The following SERAC1 variants were observed in gnomAD, a reference collection of about 807,000 sequenced individuals.
The protein encoded by SERAC1 is serine active site containing 1, also known as protein SERAC1.
Under a neutral mutation model 85.7 loss-of-function variants are expected in SERAC1, and 36 were observed. The observed-to-expected ratio is 0.42, with a 90% confidence interval of 0.32 to 0.55. The LOEUF is 0.55. SERAC1 is among the 20% of genes least tolerant of loss of function. The pLI is 0.11. For synonymous variants in SERAC1, 242 were observed against 265.3 expected (o/e 0.91, Z 0.85); for missense variants, 629 against 796.2 (o/e 0.79, Z 2.53).
In SERAC1 at chr6:158,120,510, T is replaced by G; in HGVS notation, c.1081A>C (p.Arg361=). 6.2e-7 allele frequency: 1 copy of G among 1,614,150 alleles called. No homozygotes were observed. Among genetic ancestry groups the G allele is most frequent in the Non-Finnish European group, 8.5e-7 (1 of 1,180,012 alleles). The change falls in exon 11 of 17, where the codon AGA becomes CGA. Residue 361 remains arginine (R), a synonymous_variant. Transcript: ENST00000647468. The surrounding 1 kb of genome is among the most constrained non-coding windows in gnomAD (Gnocchi z 4.4). ...TCTCGGTCTAGATTTGCCAGGATTC[T>G]GGCAGCGTGTGAGGACTCCATAATG... The part of the protein sequence containing the change: ...PHIMESSHAA[R]ILANLDRETV...
chr6:158,160,021 C>T (rs542718794), intron 1 of SERAC1, among the ~76,000 whole-genome samples: 27 of 152,218 alleles, frequency 1.8e-4, no homozygotes, highest in African/African-American at 6.3e-4. Flanking sequence ...TTCTTTGTTG[C>T]GAGCAGAATA....
intron 3 of SERAC1, among the ~76,000 whole-genome samples, chr6:158,153,466 G>A (rs996994384): frequency 4.6e-5 from 7 of 152,116 alleles, no homozygotes; most frequent in African/African-American, 1.2e-4. Context: ...CTATCTACAC[G>A]TACAGGTATC....
chr6:158,137,338 T>C (rs1478654631), intron 8 of SERAC1, among the ~76,000 whole-genome samples: 2 of 150,406 alleles, frequency 1.3e-5, no homozygotes, highest in Non-Finnish European at 3.0e-5. Context: ...AAATCAAAGG[T>C]GCTTCATTAA....
chr6:158,138,507 G>T (rs1390069615), intron 8 of SERAC1, among the ~76,000 whole-genome samples: 1 of 106,120 alleles, frequency 9.4e-6, no homozygotes, highest in Non-Finnish European at 2.0e-5. Flanking sequence ...TTGGCAAAAG[G>T]TAAGGTTACA....
At chr6:158,114,705 A>ACATTCAAGGAATATAAAATGAGATAATG in intron 15 of SERAC1, 84 bp downstream of exon 15, 2 of 1,589,668 alleles carry the variant, frequency 1.3e-6, no homozygotes, top group East Asian at 2.2e-5. Context: ...ATGAGATAAT[A>ACATTCAAGGAATATAAAATGAGATAATG]CATTCAAGGA....
chr6:158,132,290 A>T (rs1467078765), intron 8 of SERAC1, among the ~76,000 whole-genome samples: 1 of 152,192 alleles, frequency 6.6e-6, no homozygotes, highest in African/African-American at 2.4e-5. Context: ...ACTAAAAATA[A>T]TTTTTGGCCA....
rs1167839395 is a variant in SERAC1 at position 158,117,320 on chromosome 6, A to G, written c.1403+407T>C. 1.7e-6 allele frequency: 1 copy of G among 601,892 alleles called. No individual in the cohort carries two copies. The highest frequency in any genetic ancestry group is 2.2e-5 in the South Asian group (1 of 46,124). 37.3% of individuals were successfully genotyped at this position (601,892 alleles called of 1,614,324 possible). On this transcript the variant is annotated intron_variant, in intron 13 of 16. Coordinates refer to ENST00000647468, the MANE Select transcript of SERAC1 (RefSeq NM_032861.4). This position sits in a 1 kb window ranked among gnomAD's most constrained non-coding sequence, Gnocchi z 4.3. ...TCCAGCACTCCTTCCCATGTATACA[A>G]CTGGCACAGATGACATACAAGGGAA...
intron 10 of SERAC1, among the ~76,000 whole-genome samples, chr6:158,126,552 G>C (rs796382736): frequency 2.7e-4 from 41 of 152,236 alleles, no homozygotes; most frequent in African/African-American, 9.9e-4. Context: ...ATGCTAAAAA[G>C]TAACTGCAGA....
chr6:158,156,570 C>T (rs1785337997), intron 2 of SERAC1, among the ~76,000 whole-genome samples: 1 of 151,374 alleles, frequency 6.6e-6, no homozygotes, highest in South Asian at 2.1e-4. Flanking sequence ...GTAATTCCTG[C>T]CCTAAACTGT....
chr6:158,126,503 A>C (rs889022930), intron 10 of SERAC1, among the ~76,000 whole-genome samples: 12 of 152,086 alleles, frequency 7.9e-5, no homozygotes, highest in African/African-American at 2.9e-4. Flanking sequence ...GGGAGGGAGG[A>C]GGGAAAGAGA....
chr6:158,114,695 A>ATGAGATAATACATTCAAGGAATATAAAG, intron 15 of SERAC1, 94 bp downstream of exon 15: 1 of 1,581,050 alleles, frequency 6.3e-7, no homozygotes, highest in Non-Finnish European at 8.6e-7. Flanking sequence ...AAATTATAAA[A>ATGAGATAATACATTCAAGGAATATAAAG]TGAGATAATA....
chr6:158,116,452 CTT>C (rs1284560859), intron 13 of SERAC1, 170 bp from the exon 14 acceptor site: 1 of 569,778 alleles, frequency 1.8e-6, no homozygotes, highest in Non-Finnish European at 3.1e-6. Flanking sequence ...CCTATTCTCT[CTT>C]ATTGAACTCC....
At position 158,114,986 on chromosome 6, in the gene SERAC1, G is replaced by C; in HGVS notation, c.1502-15C>G. ...GACAAGAAGACCTAGCCACAGACAA[G>C]GGAAAAAAACAATGCATAAGCTATT... is the stretch of plus-strand genomic sequence containing the variant. On this transcript the variant is annotated splice_polypyrimidine_tract_variant and intron_variant, in intron 14 of 16. Transcript: ENST00000647468. 6.3e-7 allele frequency: 1 copy of C among 1,591,630 alleles called. No homozygotes were observed. Among genetic ancestry groups the C allele is most frequent in the Non-Finnish European group, 8.5e-7 (1 of 1,171,244 alleles).
At chr6:158,147,775 A>AGG (rs1562453634) in intron 5 of SERAC1, among the ~76,000 whole-genome samples, 27 of 63,476 alleles carry the variant, frequency 4.3e-4, no homozygotes, top group African/African-American at 1.2e-3. Flanking sequence ...TCTCAAAAAA[A>AGG]AAAAAAAAAA....
At chr6:158,141,526 G>A (rs1475771930) in intron 8 of SERAC1, among the ~76,000 whole-genome samples, 1 of 152,180 alleles carries the variant, frequency 6.6e-6, no homozygotes, top group African/African-American at 2.4e-5. Flanking sequence ...CGTCACTTAG[G>A]TGTCTAGGAG....
Position 158,149,980 on chromosome 6 carries a change from G to C in SERAC1, c.265+473C>G, listed in dbSNP as rs78138166. On this transcript the variant is annotated intron_variant, in intron 4 of 16. Transcript: ENST00000647468. ...TTCCATGTGTCCTAAATATTGAGAA[G>C]TGGAGTGTCCTAACTAGTAAAGACA... Among the ~76,000 whole-genome samples the C allele has an allele frequency of 2.3e-3, 357 of 152,324 alleles. 2 individuals carry two copies. The highest frequency in any genetic ancestry group is 7.9e-3 in the African/African-American group (330 of 41,570).
intron 1 of SERAC1, chr6:158,161,187 G>A (rs1164186570): frequency 6.6e-6 from 1 of 152,156 alleles, no homozygotes; most frequent in Non-Finnish European, 1.5e-5. Flanking sequence ...GCCAGCCCAG[G>A]AGTTCAAGAC....
Position 158,114,814 on chromosome 6 carries a change from C to T in SERAC1, c.1659G>A (p.Ser553=), listed in dbSNP as rs114493681. ...CCTTGCTGAGTTCTTTGACTTCCAA[C>T]GAGGGGAAGAGAAGATAGCGAATAT... ...SVNIRYLLFP[S]LEVKELSKDS... Residue 553 remains serine (S), a synonymous_variant, in exon 15 of 17, where the codon TCG becomes TCA. Coordinates refer to ENST00000647468, the MANE Select transcript of SERAC1 (RefSeq NM_032861.4). 285 of 1,602,110 alleles carry T rather than the reference C, an allele frequency of 1.8e-4. 5 individuals carry two copies. The East Asian group carries it at 4.0e-3, about 23-fold the overall frequency.
intron 8 of SERAC1, among the ~76,000 whole-genome samples, chr6:158,139,015 C>CT (rs1346298036): frequency 1.3e-5 from 2 of 152,098 alleles, no homozygotes; most frequent in Non-Finnish European, 1.5e-5. Context: ...TCAAGTGATC[C>CT]TCCTGCCTTA....
Sources: gnomAD v4.1 joint callset for allele counts (sites outside exome capture counted in the v4.1 genomes callset) on GRCh38, gnomAD v4.1.1 for gene constraint, Gnocchi (gnomAD v3.1) non-coding constraint, MANE v1.5 for transcripts, NCBI Gene and HGNC (gene_info 2026-07-23, HGNC 2026-07-21) for gene names.